Variants in ZNF469 observed in about 807,000 individuals in gnomAD.
ZNF469 encodes the protein zinc finger protein 469.
Under a neutral mutation model 1.0 loss-of-function variants are expected in ZNF469, and 1 was observed. The observed-to-expected ratio is 1.00, with a 90% CI of 0.35 to 4.73. The LOEUF (loss-of-function observed/expected upper bound fraction) is 4.73, where lower values mean the gene tolerates loss of function less well. Ranked by LOEUF, ZNF469 falls within the 30% of genes most tolerant of loss-of-function variation. The pLI, the probability that ZNF469 is intolerant of heterozygous loss-of-function variation, is 0.16. For missense variants in ZNF469, 6,100 were observed against 5,356.3 expected (o/e 1.14, Z -4.33); for synonymous variants, 2,703 against 2,363.4 (o/e 1.14, Z -4.17).
At chr16:88,179,957 A>G in the ZNF469 span, among the ~76,000 whole-genome samples, 3 of 152,252 alleles carry the variant, frequency 2.0e-5, no homozygotes, top group East Asian at 5.8e-4. Context: ...GAGAAGCTAC[A>G]GCTGTAACTT....
intron 1 of ZNF469, among the ~76,000 whole-genome samples, chr16:88,397,722 G>A (rs73249825): frequency 7.3e-4 from 109 of 150,344 alleles, no homozygotes; most frequent in African/African-American, 2.5e-3. Flanking sequence ...AGGAAAGAGA[G>A]AGAGAGAGAT....
chr16:88,201,692 A>G, the ZNF469 span, among the ~76,000 whole-genome samples: 1 of 152,202 alleles, frequency 6.6e-6, no homozygotes, highest in Admixed American at 6.5e-5. This position sits in a 1 kb window ranked among gnomAD's most constrained non-coding sequence, Gnocchi z 5.0. Flanking sequence ...GCACCTGCCC[A>G]GGGGTCTCCG....
chr16:88,420,023 A>G (rs2142289550), intron 1 of ZNF469, among the ~76,000 whole-genome samples: 1 of 152,348 alleles, frequency 6.6e-6, no homozygotes, highest in South Asian at 2.1e-4. Flanking sequence ...TTCAGCTCTC[A>G]GCCATGCTGT....
the ZNF469 span, among the ~76,000 whole-genome samples, chr16:88,267,283 C>A: frequency 7.2e-5 from 11 of 152,236 alleles, no homozygotes; most frequent in African/African-American, 2.4e-4. Flanking sequence ...CACATCGATT[C>A]TTTCCCTGTG....
intron 1 of ZNF469, among the ~76,000 whole-genome samples, chr16:88,422,340 A>G (rs1459552204): frequency 1.7e-4 from 14 of 82,996 alleles, no homozygotes; most frequent in African/African-American, 2.3e-4. Context: ...TGGATGGGTG[A>G]ATGGGCAGGT....
At chr16:88,419,508 ACCC>A (rs1301571299) in intron 1 of ZNF469, among the ~76,000 whole-genome samples, 1 of 151,930 alleles carries the variant, frequency 6.6e-6, no homozygotes, top group African/African-American at 2.4e-5. Flanking sequence ...GCCCGGTCCC[ACCC>A]CATGGCACAT....
the ZNF469 span, among the ~76,000 whole-genome samples, chr16:88,135,843 C>T: frequency 6.8e-6 from 1 of 146,560 alleles, no homozygotes; most frequent in East Asian, 2.0e-4. Context: ...TCACTGCAAC[C>T]TCCGTCTCCC....
At chr16:88,349,641 C>T in the ZNF469 span, among the ~76,000 whole-genome samples, 2 of 145,322 alleles carry the variant, frequency 1.4e-5, no homozygotes, top group Admixed American at 1.4e-4. Flanking sequence ...AACACAAGTG[C>T]ACACACAGCA....
At chr16:88,130,706 C>T in the ZNF469 span, among the ~76,000 whole-genome samples, 1 of 103,432 alleles carries the variant, frequency 9.7e-6, no homozygotes, top group African/African-American at 3.3e-5. Flanking sequence ...AACTCTGTGT[C>T]AAAAAAAAAA....
chr16:88,225,019 T>C, the ZNF469 span, among the ~76,000 whole-genome samples: 20 of 152,200 alleles, frequency 1.3e-4, no homozygotes, highest in Non-Finnish European at 2.5e-4. Flanking sequence ...CCATGCAGGA[T>C]GTGAGCGTGG....
At chr16:88,144,402 G>A in the ZNF469 span, among the ~76,000 whole-genome samples, 1 of 152,238 alleles carries the variant, frequency 6.6e-6, no homozygotes, top group Non-Finnish European at 1.5e-5. Flanking sequence ...AGGTAGGGCA[G>A]AGATAAGGGG....
At chr16:88,215,857 T>C in the ZNF469 span, among the ~76,000 whole-genome samples, 1 of 152,362 alleles carries the variant, frequency 6.6e-6, no homozygotes, top group East Asian at 1.9e-4. Flanking sequence ...TTTATGTTTT[T>C]GTGGTCTTGC....
At chr16:88,116,371 A>G in the ZNF469 span, among the ~76,000 whole-genome samples, 20 of 152,304 alleles carry the variant, frequency 1.3e-4, no homozygotes, top group Non-Finnish European at 2.8e-4. Context: ...GCAATGCCGC[A>G]GTGTAGACAC....
the ZNF469 span, among the ~76,000 whole-genome samples, chr16:88,110,934 C>T: frequency 3.9e-5 from 6 of 152,240 alleles, no homozygotes; most frequent in Admixed American, 1.3e-4. Context: ...ACTGCAGACC[C>T]GGGCCAGCAA....
the ZNF469 span, among the ~76,000 whole-genome samples, chr16:88,376,664 G>C: frequency 6.6e-6 from 1 of 152,262 alleles, no homozygotes; most frequent in South Asian, 2.1e-4. Context: ...CCGGCTGAGC[G>C]TGTCTGGAGA....
the ZNF469 span, among the ~76,000 whole-genome samples, chr16:88,193,008 G>A: frequency 1.4e-4 from 20 of 139,592 alleles, no homozygotes; most frequent in African/African-American, 5.6e-4. Flanking sequence ...TGGTGATGGT[G>A]GTGATGGTGG....
Position 88,437,424 on chromosome 16 carries a change from C to A in ZNF469, c.9954C>A (p.Gly3318=), listed in dbSNP as rs1156379446. ...GCCCGTCCCCCGACCCCTGGGCCGG[C>A]GGGGAGCCCCTCCTGCAAGCCACCC... ...TPSPSPDPWA[G]GEPLLQATPV... is the part of the protein sequence containing the mutation. Residue 3318 remains glycine (G), a synonymous_variant, in exon 3 of 3, where the codon GGC becomes GGA. Transcript: ENST00000565624. The A allele has an allele frequency of 3.7e-5, 57 of 1,520,720 alleles. No homozygotes were observed. Among genetic ancestry groups the A allele is most frequent in the Non-Finnish European group, 4.5e-5 (51 of 1,131,166 alleles). 94.2% of individuals were successfully genotyped at this position (1,520,720 alleles called of 1,614,324 possible).
the ZNF469 span, among the ~76,000 whole-genome samples, chr16:88,174,463 C>CGTCT: frequency 5.9e-3 from 747 of 126,388 alleles, 17 homozygotes; most frequent in East Asian, 0.017. Context: ...ATTTGTCTGT[C>CGTCT]GTCTGTCTGT....
the ZNF469 span, among the ~76,000 whole-genome samples, chr16:88,319,332 C>A: frequency 6.6e-6 from 1 of 152,042 alleles, no homozygotes; most frequent in African/African-American, 2.4e-5. Context: ...CCTGACTGAG[C>A]CGAAGGGGGC....
Sources: allele counts gnomAD v4.1 joint callset (sites outside exome capture counted in the v4.1 genomes callset), GRCh38; gene constraint gnomAD v4.1.1; non-coding constraint Gnocchi (gnomAD v3.1); transcripts MANE v1.5; gene names NCBI Gene and HGNC (gene_info 2026-07-23, HGNC 2026-07-21).